SLC11A2: variants seen among roughly 807,000 people sequenced by gnomAD.
SLC11A2 encodes natural resistance-associated macrophage protein 2.
SLC11A2 carries 38 observed loss-of-function variants against 68.0 expected under a neutral mutation model. That is an observed-to-expected ratio of 0.56 (90% CI 0.43 to 0.73). SLC11A2 has a LOEUF of 0.73. Ranked by LOEUF, SLC11A2 falls within the 30% of genes least tolerant of loss-of-function variation. The probability of loss-of-function intolerance (pLI) is 0.00; values close to 1 mark genes in which losing one functional copy is unlikely to be tolerated. For synonymous variants in SLC11A2, 242 were observed against 250.6 expected (o/e 0.97, Z 0.32); for missense variants, 517 against 690.5 (o/e 0.75, Z 2.82).
downstream of SLC11A2, among the ~76,000 whole-genome samples, chr12:50,976,647 G>A (rs1939852714): frequency 2.0e-5 from 3 of 152,214 alleles, no homozygotes; most frequent in Admixed American, 6.5e-5. Flanking sequence ...TTCTGGCCAG[G>A]GCAATTAGGC....
At chr12:50,953,415 T>C in the SLC11A2 span, among the ~76,000 whole-genome samples, 1 of 152,236 alleles carries the variant, frequency 6.6e-6, no homozygotes, top group African/African-American at 2.4e-5. Context: ...TGCAAGTTTC[T>C]TCATTCATCC....
rs754734883 is a variant in SLC11A2 at position 50,987,916 on chromosome 12, G to C, written c.*409C>G. On this transcript the variant is annotated 3_prime_UTR_variant, in exon 16 of 16. Coordinates refer to ENST00000262052, the MANE Select transcript of SLC11A2 (RefSeq NM_000617.3). ...AGCCTTTAAAAATCCATTACATTTT[G>C]ATAAATAAAACTTGCATACTCATTC... is the stretch of plus-strand genomic sequence containing the variant. 3.0e-5 allele frequency: 38 copies of C among 1,275,182 alleles called. No homozygotes were observed. The highest frequency in any genetic ancestry group is 2.9e-4 in the African/African-American group (19 of 65,188). The allele number at this position is 1,275,182 out of a possible 1,614,324, so 79.0% of individuals were successfully genotyped here. A position where few individuals can be genotyped will look rare whatever the true frequency, so the allele number is the denominator to read the frequency against.
chr12:51,008,269 G>GAC, intron 3 of SLC11A2: 1 of 497,320 alleles, frequency 2.0e-6, no homozygotes, highest in Non-Finnish European at 3.6e-6. Context: ...TAGACGGACA[G>GAC]ACAGACAGAC....
At position 50,988,224 on chromosome 12, in the gene SLC11A2, C is replaced by T; in HGVS notation, c.*101G>A. 1.3e-6 allele frequency: 2 copies of T among 1,590,952 alleles called. No individual in the cohort carries two copies. The highest frequency in any genetic ancestry group is 2.3e-5 in the South Asian group (2 of 88,286). On this transcript the variant is annotated 3_prime_UTR_variant, in exon 16 of 16. Transcript: ENST00000262052. Reference sequence around the variant, plus strand: ...CCAACCAACGGTTGAGTCATAAACACAGTCTGTGCAACGGCACATACTTTT... The same window carrying T: ...CCAACCAACGGTTGAGTCATAAACATAGTCTGTGCAACGGCACATACTTTT...
chr12:50,961,459 C>A, the SLC11A2 span, among the ~76,000 whole-genome samples: 1 of 151,978 alleles, frequency 6.6e-6, no homozygotes, highest in African/African-American at 2.4e-5. Context: ...GAGCAGCGAT[C>A]GTATTTCCCA....
downstream of SLC11A2, among the ~76,000 whole-genome samples, chr12:50,976,690 AAAG>A (rs1457527917): frequency 6.6e-6 from 1 of 152,238 alleles, no homozygotes; most frequent in African/African-American, 2.4e-5. Context: ...TCAGTTAGGA[AAAG>A]AAGAAGTCAA....
chr12:51,000,575 G>A (rs879559339), intron 5 of SLC11A2, 156 bp from the exon 6 acceptor site: 11 of 676,778 alleles, frequency 1.6e-5, no homozygotes, highest in Non-Finnish European at 2.9e-5. Flanking sequence ...CCACTTGGCC[G>A]ATCACTGCAC....
At chr12:50,963,876 C>T in the SLC11A2 span, among the ~76,000 whole-genome samples, 1 of 152,296 alleles carries the variant, frequency 6.6e-6, no homozygotes, top group African/African-American at 2.4e-5. Context: ...CCCTTGTCAA[C>T]TTGACATCCA....
downstream of SLC11A2, among the ~76,000 whole-genome samples, chr12:50,984,507 CAG>C (rs1204267615): frequency 2.0e-5 from 3 of 152,182 alleles, no homozygotes; most frequent in Admixed American, 6.5e-5. Context: ...GTGATGCCCA[CAG>C]AGTGTCACTT....
downstream of SLC11A2, among the ~76,000 whole-genome samples, chr12:50,983,852 C>T (rs1940291439): frequency 6.6e-6 from 1 of 152,154 alleles, no homozygotes; most frequent in African/African-American, 2.4e-5. Flanking sequence ...CCTGTAGTCC[C>T]AGTTACTTGG....
At chr12:51,028,853 A>C (rs1944474430), upstream of SLC11A2, among the ~76,000 whole-genome samples, 1 of 152,200 alleles carries the variant, frequency 6.6e-6, no homozygotes, top group Admixed American at 6.5e-5. Flanking sequence ...CATCAGAGCC[A>C]CGCAAACTCC....
At chr12:50,994,829 T>C in intron 10 of SLC11A2, 199 bp from the exon 11 acceptor site, 1 of 579,942 alleles carries the variant, frequency 1.7e-6, no homozygotes, top group East Asian at 3.0e-5. Flanking sequence ...CCACAGGTCA[T>C]CAAAAATCTT....
At chr12:51,004,652 T>C in intron 5 of SLC11A2, 136 bp downstream of exon 5, 1 of 862,356 alleles carries the variant, frequency 1.2e-6, no homozygotes, top group Non-Finnish European at 1.9e-6. Context: ...GTATTTCCGT[T>C]GGTACCGTCT....
chr12:51,019,419 C>G (rs574634228), intron 1 of SLC11A2, among the ~76,000 whole-genome samples: 136 of 152,316 alleles, frequency 8.9e-4, no homozygotes, highest in Non-Finnish European at 1.3e-3. Flanking sequence ...AGGTGCTCTT[C>G]ATGAAGGTGG....
chr12:50,954,542 A>G, the SLC11A2 span, among the ~76,000 whole-genome samples: 38 of 152,202 alleles, frequency 2.5e-4, no homozygotes, highest in Non-Finnish European at 5.1e-4. Flanking sequence ...TTCTGTTTCT[A>G]TCTTACTATT....
At chr12:51,026,201 C>T in intron 1 of SLC11A2, 109 bp downstream of exon 1, 1 of 1,192,298 alleles carries the variant, frequency 8.4e-7, no homozygotes, top group Non-Finnish European at 1.1e-6. Context: ...GAGCCGGTGT[C>T]GCATCCTAGC....
At chr12:50,997,439 C>T (rs1053259659) in intron 8 of SLC11A2, among the ~76,000 whole-genome samples, 2 of 152,094 alleles carry the variant, frequency 1.3e-5, no homozygotes, top group African/African-American at 4.8e-5. Flanking sequence ...CGGTGGCTCA[C>T]GCCTATAATC....
intron 1 of SLC11A2, among the ~76,000 whole-genome samples, chr12:51,016,912 C>T (rs1171329383): frequency 6.9e-6 from 1 of 145,578 alleles, no homozygotes; most frequent in African/African-American, 2.6e-5. Context: ...TCCCGGGAGG[C>T]TAAGGTGGGA....
intron 1 of SLC11A2, among the ~76,000 whole-genome samples, chr12:51,021,974 C>T (rs1169362867): frequency 6.6e-6 from 1 of 152,104 alleles, no homozygotes; most frequent in Non-Finnish European, 1.5e-5. Flanking sequence ...GGGGCTGGTA[C>T]CCATTAAATA....
Sources: gnomAD v4.1 joint callset for allele counts (sites outside exome capture counted in the v4.1 genomes callset) on GRCh38, gnomAD v4.1.1 for gene constraint, MANE v1.5 for transcripts, NCBI Gene and HGNC (gene_info 2026-07-23, HGNC 2026-07-21) for gene names.